Variants in RHOBTB2 observed in about 807,000 individuals in gnomAD.
RHOBTB2 encodes Rho related BTB domain containing 2.
RHOBTB2 carries 39 observed loss-of-function variants against 66.5 expected under a neutral mutation model. The observed-to-expected ratio is 0.59, with a 90% CI of 0.45 to 0.77. The LOEUF (loss-of-function observed/expected upper bound fraction) is 0.77. RHOBTB2 is among the 30% of genes least tolerant of loss of function. The pLI is 0.00. For synonymous variants in RHOBTB2, 390 were observed against 395.0 expected (o/e 0.99, Z 0.15); for missense variants, 755 against 999.1 (o/e 0.76, Z 3.29).
At chr8:22,998,063 G>A (rs1276279590), upstream of RHOBTB2, among the ~76,000 whole-genome samples, 1 of 152,188 alleles carries the variant, frequency 6.6e-6, no homozygotes, top group Non-Finnish European at 1.5e-5. Context: ...CTAGCTCTGA[G>A]TAGATTGAGA....
the RHOBTB2 span, among the ~76,000 whole-genome samples, chr8:22,979,189 A>G: frequency 6.6e-6 from 1 of 152,218 alleles, no homozygotes. Context: ...GAAATAAAAG[A>G]TCTTTCCAAA....
chr8:23,010,806 G>A (rs1489798305), intron 7 of RHOBTB2, 118 bp downstream of exon 7: 8 of 1,122,700 alleles, frequency 7.1e-6, no homozygotes, highest in Admixed American at 2.2e-5. Context: ...GGGACTAAGC[G>A]TACATGAAAT....
upstream of RHOBTB2, among the ~76,000 whole-genome samples, chr8:22,999,414 G>A (rs913983530): frequency 1.3e-5 from 2 of 151,440 alleles, no homozygotes; most frequent in South Asian, 2.1e-4. Flanking sequence ...CTGCGGGAGG[G>A]GCGGAAGAGC....
the RHOBTB2 span, among the ~76,000 whole-genome samples, chr8:22,973,640 TGAAAC>T: frequency 1.3e-5 from 2 of 152,166 alleles, no homozygotes. Flanking sequence ...TCCTCACTGA[TGAAAC>T]GATCACTGAA....
chr8:23,015,684 G>C lies in RHOBTB2; in HGVS notation c.1907G>C (p.Cys636Ser). 1 of 1,614,040 alleles carries C rather than the reference G, an allele frequency of 6.2e-7. No individual in the cohort carries two copies. The highest frequency in any genetic ancestry group is 1.1e-5 in the South Asian group (1 of 91,070). ...QLADWCLHHI[C>S]TNYNNVCRKF... Reference sequence around the variant, plus strand: ...GCCGACTGGTGTCTCCACCACATCTGCACCAACTACAACAACGTGTGCCGC... The same window carrying C: ...GCCGACTGGTGTCTCCACCACATCTCCACCAACTACAACAACGTGTGCCGC... The change falls in exon 9 of 10, where the codon TGC becomes TCC. Residue 636 changes from cysteine (C) to serine (S), a missense_variant. Physicochemically the swap from Cys to Ser is moderately radical, Grantham distance 112 (BLOSUM62 -1). This residue lies in a region of RHOBTB2 where 353 missense variants were observed against 458.2 expected (regional missense o/e 0.77). Transcript: ENST00000251822.
chr8:22,987,576 T>C (rs1810312949), intron 1 of RHOBTB2: 1 of 152,400 alleles, frequency 6.6e-6, no homozygotes, highest in Non-Finnish European at 1.5e-5. Context: ...AAGTCTACAA[T>C]CCTTGGGCCC....
At chr8:22,972,289 T>A in the RHOBTB2 span, among the ~76,000 whole-genome samples, 1 of 152,188 alleles carries the variant, frequency 6.6e-6, no homozygotes, top group Non-Finnish European at 1.5e-5. Flanking sequence ...AAAATTAACA[T>A]AACCTGGCCC....
chr8:22,961,628 A>G, the RHOBTB2 span, among the ~76,000 whole-genome samples: 1 of 152,204 alleles, frequency 6.6e-6, no homozygotes. Flanking sequence ...ATATTCACAA[A>G]GAGCTAAAAG....
upstream of RHOBTB2, chr8:22,995,804 G>C (rs965963780): frequency 1.1e-5 from 17 of 1,540,190 alleles, no homozygotes; most frequent in Non-Finnish European, 1.5e-5. Context: ...GATGGGGGGC[G>C]GAGCTCATGT....
At chr8:22,976,204 T>C in the RHOBTB2 span, among the ~76,000 whole-genome samples, 1 of 151,922 alleles carries the variant, frequency 6.6e-6, no homozygotes. Flanking sequence ...TGGGGACTCC[T>C]GGGGGAGAAG....
chr8:22,998,114 T>G (rs1237788758), upstream of RHOBTB2, among the ~76,000 whole-genome samples: 1 of 152,210 alleles, frequency 6.6e-6, no homozygotes, highest in African/African-American at 2.4e-5. Flanking sequence ...GAGCACTTCC[T>G]GTACATTGAC....
chr8:22,970,556 A>T, the RHOBTB2 span, among the ~76,000 whole-genome samples: 166 of 151,716 alleles, frequency 1.1e-3, 1 homozygote, highest in African/African-American at 3.6e-3. Context: ...AGGTATAATC[A>T]TGCCACTGCA....
chr8:22,971,824 C>A, the RHOBTB2 span, among the ~76,000 whole-genome samples: 1 of 152,208 alleles, frequency 6.6e-6, no homozygotes, highest in Middle Eastern at 3.2e-3. Context: ...AACCTCCACT[C>A]TTCTCCTGCT....
At chr8:22,952,148 C>T in the RHOBTB2 span, among the ~76,000 whole-genome samples, 1 of 152,182 alleles carries the variant, frequency 6.6e-6, no homozygotes, top group African/African-American at 2.4e-5. Context: ...CGCTGACCCA[C>T]TGGGAGAGAC....
chr8:23,017,325 G>C lies in RHOBTB2; in HGVS notation c.2040G>C (p.Arg680=). 3.7e-6 allele frequency: 6 copies of C among 1,614,166 alleles called. No individual in the cohort carries two copies. The highest frequency in any genetic ancestry group is 5.1e-6 in the Non-Finnish European group (6 of 1,180,042). Residue 680 remains arginine, a synonymous_variant, in exon 10 of 10, where the codon CGG becomes CGC. Transcript: ENST00000251822. This position sits in a 1 kb window ranked among gnomAD's most constrained non-coding sequence, Gnocchi z 5.3. Reference sequence around the variant, plus strand: ...TGAAGGAGGAAGATCATTACCAGCGGGCACGGAAGGAGCGTGAGAAGGAGG... The same window carrying C: ...TGAAGGAGGAAGATCATTACCAGCGCGCACGGAAGGAGCGTGAGAAGGAGG... The part of the protein sequence containing the change: ...WYLKEEDHYQ[R]ARKEREKEDY...
the RHOBTB2 span, among the ~76,000 whole-genome samples, chr8:22,958,802 GAAAAAA>G: frequency 1.3e-4 from 7 of 52,180 alleles, no homozygotes; most frequent in South Asian, 2.7e-3. Context: ...GCCCCTCTCT[GAAAAAA>G]AAAAAAAAAA....
intron 1 of RHOBTB2, among the ~76,000 whole-genome samples, chr8:22,991,195 T>C (rs1810417357): frequency 6.6e-6 from 1 of 152,150 alleles, no homozygotes; most frequent in African/African-American, 2.4e-5. Flanking sequence ...CCCTGTGGGC[T>C]TCTCATCACT....
At chr8:22,996,746 G>A (rs948650511), upstream of RHOBTB2, among the ~76,000 whole-genome samples, 9 of 152,146 alleles carry the variant, frequency 5.9e-5, no homozygotes, top group Admixed American at 2.6e-4. Context: ...GCTGTGAGAC[G>A]CTGCTGCCTG....
At chr8:23,014,980 A>T (rs1251318592) in intron 8 of RHOBTB2, among the ~76,000 whole-genome samples, 1 of 152,080 alleles carries the variant, frequency 6.6e-6, no homozygotes, top group Non-Finnish European at 1.5e-5. Context: ...AGGGGAGCTG[A>T]CCAAGTGGGG....
Sources: gnomAD v4.1 joint callset for allele counts (sites outside exome capture counted in the v4.1 genomes callset) on GRCh38, gnomAD v4.1.1 for gene constraint, gnomAD v4.1.1 regional missense constraint, Gnocchi (gnomAD v3.1) non-coding constraint, MANE v1.5 for transcripts, NCBI Gene and HGNC (gene_info 2026-07-23, HGNC 2026-07-21) for gene names.